Variants in ATP2B2 observed in about 807,000 individuals in gnomAD.
ATP2B2 encodes the protein plasma membrane calcium-transporting ATPase 2.
A neutral mutation model predicts 120.0 loss-of-function variants in ATP2B2; 15 were observed. That is an observed-to-expected ratio of 0.12 (90% CI 0.08 to 0.19). ATP2B2 has a LOEUF of 0.19. ATP2B2 is among the 10% of genes least tolerant of loss of function. The probability of loss-of-function intolerance (pLI) is 1.00; values close to 1 mark genes in which losing one functional copy is unlikely to be tolerated. For synonymous variants in ATP2B2, 694 were observed against 700.3 expected (o/e 0.99, Z 0.14); for missense variants, 1,045 against 1,719.8 (o/e 0.61, Z 6.94).
intron 1 of ATP2B2, among the ~76,000 whole-genome samples, chr3:10,623,167 A>G (rs1254086881): frequency 2.0e-5 from 3 of 147,582 alleles, no homozygotes; most frequent in African/African-American, 7.5e-5. Flanking sequence ...GCCTCAAGTG[A>G]TCCTCCTGCC....
intron 2 of ATP2B2, among the ~76,000 whole-genome samples, chr3:10,442,669 A>AT (rs1046419634): frequency 2.0e-5 from 3 of 151,904 alleles, no homozygotes; most frequent in South Asian, 2.1e-4. Flanking sequence ...TGGGGCTGAC[A>AT]TTTTTTTTAA....
chr3:10,420,966 C>T (rs1400629255), intron 2 of ATP2B2, among the ~76,000 whole-genome samples: 1 of 152,168 alleles, frequency 6.6e-6, no homozygotes, highest in Non-Finnish European at 1.5e-5. Context: ...TTGCAATGTG[C>T]AGCAGGGGAT....
At chr3:10,558,450 G>T (rs1200779240) in intron 2 of ATP2B2, among the ~76,000 whole-genome samples, 1 of 152,134 alleles carries the variant, frequency 6.6e-6, no homozygotes, top group Non-Finnish European at 1.5e-5. Context: ...CTTCTGAGAA[G>T]GTGGGAGGAG....
intron 2 of ATP2B2, among the ~76,000 whole-genome samples, chr3:10,440,569 C>T (rs1001506216): frequency 1.3e-5 from 2 of 152,220 alleles, no homozygotes; most frequent in African/African-American, 2.4e-5. Flanking sequence ...CATCACAGGG[C>T]CTTTGCTCAC....
chr3:10,698,718 C>A (rs1293207707), intron 1 of ATP2B2, among the ~76,000 whole-genome samples: 1 of 152,218 alleles, frequency 6.6e-6, no homozygotes, highest in Non-Finnish European at 1.5e-5. Flanking sequence ...GAGGCACGAG[C>A]CAGCCTGGGG....
chr3:10,595,701 C>G (rs1306449604), intron 2 of ATP2B2, among the ~76,000 whole-genome samples: 1 of 152,170 alleles, frequency 6.6e-6, no homozygotes, highest in Non-Finnish European at 1.5e-5. Flanking sequence ...TTACTTGATG[C>G]TTGGAAATTT....
chr3:10,525,738 C>T (rs957758784), intron 3 of ATP2B2, among the ~76,000 whole-genome samples: 5 of 152,000 alleles, frequency 3.3e-5, no homozygotes, highest in African/African-American at 4.8e-5. Context: ...TTAATCTGGG[C>T]GGTGGTTACA....
rs762979627 is a variant in ATP2B2 at position 10,346,180 on chromosome 3, G to T, written c.2405-43C>A. ...TGCTCAGGCCCTGGGCCACTCAGGT[G>T]GGAGGCAGCCTGGGCCAGCCCTGGT... On this transcript the variant is annotated intron_variant, in intron 16 of 22. Transcript: ENST00000360273. The surrounding 1 kb of genome is among the most constrained non-coding windows in gnomAD (Gnocchi z 4.1). 6 of 1,595,144 alleles carry T rather than the reference G, an allele frequency of 3.8e-6. No homozygotes were observed. The highest frequency in any genetic ancestry group is 2.7e-5 in the African/African-American group (2 of 74,762).
chr3:10,454,780 C>A (rs2064192061), intron 1 of ATP2B2, among the ~76,000 whole-genome samples: 1 of 152,188 alleles, frequency 6.6e-6, no homozygotes, highest in Admixed American at 6.5e-5. Context: ...CTGACTCCTG[C>A]AGATGTGCCA....
intron 1 of ATP2B2, among the ~76,000 whole-genome samples, chr3:10,471,562 T>C (rs1355962891): frequency 6.9e-6 from 1 of 144,794 alleles, no homozygotes; most frequent in East Asian, 2.0e-4. Context: ...AGGCTAGGAG[T>C]GGGAGGAGAG....
chr3:10,551,751 AC>A (rs994398048), intron 2 of ATP2B2, among the ~76,000 whole-genome samples: 3 of 152,178 alleles, frequency 2.0e-5, no homozygotes, highest in African/African-American at 7.2e-5. Context: ...TCCAAAAGCT[AC>A]CTTGGTCTGC....
chr3:10,338,678 C>T (rs1051231975), intron 21 of ATP2B2: 1 of 380,090 alleles, frequency 2.6e-6, no homozygotes, highest in African/African-American at 2.1e-5. Context: ...CTTTGAATAC[C>T]CCAGACAACC....
chr3:10,654,497 C>T (rs1017871239), intron 1 of ATP2B2, among the ~76,000 whole-genome samples: 2 of 151,988 alleles, frequency 1.3e-5, no homozygotes, highest in Non-Finnish European at 2.9e-5. Context: ...GTGGAGGAGA[C>T]ATAGGTATGG....
chr3:10,595,888 T>C lies in ATP2B2; in HGVS notation c.-415+24029A>G, dbSNP rs540402318. On this transcript the variant is annotated intron_variant, in intron 2 of 21. Transcript: ENST00000646379. ...TGCCCAGCAATCTGACCTCGTCTCT[T>C]ATTGCTGTCCCCTTTGAGCACCATA... 2.6e-5 allele frequency among the ~76,000 whole-genome samples: 4 copies of C among 152,290 alleles called. No homozygotes were observed. In the East Asian group the frequency reaches 7.7e-4, roughly 29 times the overall value.
chr3:10,635,632 C>T lies in ATP2B2; in HGVS notation c.-459-15671G>A, dbSNP rs906128491. Among the ~76,000 whole-genome samples, 10 of 152,188 alleles carry T rather than the reference C, an allele frequency of 6.6e-5. No homozygotes were observed. The highest frequency in any genetic ancestry group is 2.4e-4 in the African/African-American group (10 of 41,456). On this transcript the variant is annotated intron_variant, in intron 1 of 21. Coordinates refer to the ATP2B2 transcript ENST00000646379. This position sits in a 1 kb window ranked among gnomAD's most constrained non-coding sequence, Gnocchi z 4.3. ...AATTTGGCCCTAGTGGAAAATTCCA[C>T]TAGCACCTCCCAGGTAGCATTTTGC...
At position 10,350,218 on chromosome 3, in the gene ATP2B2, G is replaced by A. The variant is rs1308549259; in HGVS notation, c.2317-19C>T. 1 of 1,604,420 alleles carries A rather than the reference G, an allele frequency of 6.2e-7. No homozygotes were observed. The highest frequency in any genetic ancestry group is 1.1e-5 in the South Asian group (1 of 90,618). ...GCTCAATCTGGAGAGGGATGGGGAAGGGGGCGGGTCGGTGGGGTCGGGGAG... is the reference window on the plus strand; with the variant it reads ...GCTCAATCTGGAGAGGGATGGGGAAAGGGGCGGGTCGGTGGGGTCGGGGAG... On this transcript the variant is annotated intron_variant, in intron 15 of 22. Transcript: ENST00000360273.
chr3:10,360,012 T>C lies in ATP2B2; in HGVS notation c.1771A>G (p.Met591Val). 1.2e-6 allele frequency: 2 copies of C among 1,614,226 alleles called. No individual in the cohort carries two copies. Among genetic ancestry groups the C allele is most frequent in the African/African-American group, 1.3e-5 (1 of 75,072 alleles). ...KQDYEPVRSQMPEEKLYKVYT... is the reference protein window; with the variant it reads ...KQDYEPVRSQVPEEKLYKVYT... ...ACTTTGTACAACTTCTCCTCTGGCATCTGGCTGCGCACGGGCTCGTAGTCC... is the reference window on the plus strand; with the variant it reads ...ACTTTGTACAACTTCTCCTCTGGCACCTGGCTGCGCACGGGCTCGTAGTCC... The change falls in exon 13 of 23, where the codon ATG becomes GTG. Residue 591 changes from methionine to valine, a missense_variant. Met to Val is a conservative substitution (Grantham distance 21). This residue lies in a region of ATP2B2 where 343 missense variants were observed against 536.8 expected (regional missense o/e 0.64). Transcript: ENST00000360273.
At chr3:10,348,791 G>A (rs771291174) in intron 16 of ATP2B2, among the ~76,000 whole-genome samples, 16 of 152,332 alleles carry the variant, frequency 1.1e-4, no homozygotes, top group South Asian at 4.1e-4. Context: ...TGCCTGCTGC[G>A]TGCAGCCTGG....
chr3:10,511,285 C>G lies in ATP2B2; in HGVS notation c.-320+22754G>C, dbSNP rs550136830. ...CCCTCCGTCCCCCTTTTCCCCATGC[C>G]CCAAGAAGAGTTTTTTGCAATTAAC... On this transcript the variant is annotated intron_variant, in intron 3 of 21. Coordinates refer to the ATP2B2 transcript ENST00000646379. 7.9e-5 allele frequency among the ~76,000 whole-genome samples: 12 copies of G among 152,208 alleles called. No individual in the cohort carries two copies. In the East Asian group the frequency reaches 2.1e-3, roughly 27 times the overall value.
Sources: gnomAD v4.1 joint callset for allele counts (sites outside exome capture counted in the v4.1 genomes callset) on GRCh38, gnomAD v4.1.1 for gene constraint, gnomAD v4.1.1 regional missense constraint, Gnocchi (gnomAD v3.1) non-coding constraint, MANE v1.5 for transcripts, NCBI Gene and HGNC (gene_info 2026-07-23, HGNC 2026-07-21) for gene names.